Variants in TMC1 observed in about 807,000 individuals in gnomAD.
TMC1 encodes transmembrane channel like 1, also known as transmembrane channel-like protein 1.
Under a neutral mutation model 105.8 loss-of-function variants are expected in TMC1, and 84 were observed. The ratio of observed to expected loss-of-function variants is 0.79; its 90% confidence interval spans 0.67 to 0.95. The LOEUF is 0.95. Ranked by LOEUF, TMC1 falls within the 40% of genes least tolerant of loss-of-function variation. The pLI is 0.00. For missense variants in TMC1, 817 were observed against 914.1 expected (o/e 0.89, Z 1.37); for synonymous variants, 315 against 311.5 (o/e 1.01, Z -0.12).
chr9:72,703,228 G>A (rs1826675783), intron 8 of TMC1, among the ~76,000 whole-genome samples: 1 of 151,978 alleles, frequency 6.6e-6, no homozygotes, highest in African/African-American at 2.4e-5. Flanking sequence ...CTGGGAGCAA[G>A]GGATCCTTCT....
At chr9:72,814,511 C>T (rs1167536121) in intron 18 of TMC1, among the ~76,000 whole-genome samples, 1 of 152,168 alleles carries the variant, frequency 6.6e-6, no homozygotes, top group Non-Finnish European at 1.5e-5. Flanking sequence ...TGTAGCTGTC[C>T]TTCAACAGTA....
intron 12 of TMC1, among the ~76,000 whole-genome samples, chr9:72,762,844 G>C (rs1456599187): frequency 6.6e-6 from 1 of 152,158 alleles, no homozygotes; most frequent in Non-Finnish European, 1.5e-5. Context: ...TCAATGTCCA[G>C]TGTGGGTCTC....
In TMC1 at chr9:72,624,889, T is replaced by C. The variant is rs118089373; in HGVS notation, c.-195-3032T>C. On this transcript the variant is annotated intron_variant, in intron 3 of 23. Coordinates refer to ENST00000297784, the MANE Select transcript of TMC1 (RefSeq NM_138691.3). ...AGTGAGGATGACCTGGATTTTCCAT[T>C]GAGGAAGTGGCCAAGTCCTGCGGAC... is the stretch of plus-strand genomic sequence containing the variant. Among the ~76,000 whole-genome samples, 84 of 152,294 alleles carry C rather than the reference T, an allele frequency of 5.5e-4. No individual in the cohort carries two copies. The East Asian group carries it at 0.014, about 26-fold the overall frequency.
intron 4 of TMC1, among the ~76,000 whole-genome samples, chr9:72,638,833 A>G (rs1353354909): frequency 5.9e-5 from 9 of 152,188 alleles, no homozygotes; most frequent in Admixed American, 5.9e-4. Flanking sequence ...TTATTTATAG[A>G]AAACATGCTG....
rs71357591 is a variant in TMC1 at position 72,584,784 on chromosome 9, C to CTTTTTTTTTTTTTTTTTTTTT, written c.-306+6779_-306+6780insTTTTTTTTTTTTTTTTTTTTT. On this transcript the variant is annotated intron_variant, in intron 2 of 23. Coordinates refer to ENST00000297784, the MANE Select transcript of TMC1 (RefSeq NM_138691.3). ...GTAGTTCTCCTTTTTCTTTTCTTTT[C>CTTTTTTTTTTTTTTTTTTTTT]TTTTTTTTTTTTTTTTTTGAGACAG... Among the ~76,000 whole-genome samples the CTTTTTTTTTTTTTTTTTTTTT allele has an allele frequency of 2.7e-5, 3 of 113,010 alleles. 1 individual carries two copies. Among genetic ancestry groups the CTTTTTTTTTTTTTTTTTTTTT allele is most frequent in the East Asian group, 5.4e-4 (2 of 3,714 alleles). The allele number at this position is 113,010 out of a possible 152,430, so 74.1% of individuals were successfully genotyped here.
In TMC1 at chr9:72,591,501, C is replaced by T. The variant is rs538797483; in HGVS notation, c.-306+13478C>T. 2.0e-5 allele frequency among the ~76,000 whole-genome samples: 3 copies of T among 152,298 alleles called. No individual in the cohort carries two copies. The East Asian group carries it at 5.8e-4, about 29-fold the overall frequency. On this transcript the variant is annotated intron_variant, in intron 2 of 23. Transcript: ENST00000297784. ...CGGGTAAGAAGTGATGGAATAGGTT[C>T]ATGGCAGTGGGTTTCTGAAGCAGTG...
At chr9:72,784,219 AAAAAC>A (rs1212924729) in intron 13 of TMC1, among the ~76,000 whole-genome samples, 3 of 152,204 alleles carry the variant, frequency 2.0e-5, no homozygotes, top group Non-Finnish European at 2.9e-5. Context: ...ACTAACCAGC[AAAAAC>A]AAAACAAAAC....
chr9:72,712,090 G>A (rs534304676), intron 8 of TMC1, among the ~76,000 whole-genome samples: 12 of 152,134 alleles, frequency 7.9e-5, no homozygotes, highest in African/African-American at 2.6e-4. Flanking sequence ...GATGTATGGC[G>A]TTATTTCTGA....
intron 1 of TMC1, among the ~76,000 whole-genome samples, chr9:72,535,220 T>C (rs1488651585): frequency 6.6e-6 from 1 of 152,232 alleles, no homozygotes; most frequent in Non-Finnish European, 1.5e-5. Context: ...TTCAGCATTT[T>C]GTTTAGCATG....
intron 17 of TMC1, 126 bp downstream of exon 17, chr9:72,792,478 G>A: frequency 8.9e-7 from 1 of 1,124,662 alleles, no homozygotes; most frequent in Non-Finnish European, 1.3e-6. Context: ...GTTGAATGTT[G>A]ACTGTGTGCT....
chr9:72,780,860 A>G (rs963959553), intron 13 of TMC1, among the ~76,000 whole-genome samples: 15 of 152,188 alleles, frequency 9.9e-5, no homozygotes, highest in African/African-American at 3.6e-4. Flanking sequence ...TAACTACACA[A>G]TAATAGCAAG....
intron 12 of TMC1, among the ~76,000 whole-genome samples, chr9:72,757,592 C>T (rs368590755): frequency 6.6e-6 from 1 of 152,154 alleles, no homozygotes. Context: ...CATTTAGTTT[C>T]ATATACACCT....
chr9:72,576,619 TTTTTTTTTTTTTTC>T (rs1431906617), intron 1 of TMC1, among the ~76,000 whole-genome samples: 3 of 38,726 alleles, frequency 7.7e-5, no homozygotes, highest in African/African-American at 2.4e-4. Context: ...TCCCAATTTC[TTTTTTTTTTTTTTC>T]TTTTTTTTTT....
At chr9:72,665,591 C>T (rs1319682670) in intron 5 of TMC1, among the ~76,000 whole-genome samples, 1 of 152,188 alleles carries the variant, frequency 6.6e-6, no homozygotes, top group Admixed American at 6.5e-5. Context: ...GAAGCCCTGG[C>T]AAGCTGAAAT....
At chr9:72,687,215 C>T (rs531158751) in intron 5 of TMC1, among the ~76,000 whole-genome samples, 2 of 152,302 alleles carry the variant, frequency 1.3e-5, no homozygotes, top group African/African-American at 4.8e-5. Context: ...TTTGGTTGTG[C>T]ATATCGCAAA....
At position 72,674,796 on chromosome 9, in the gene TMC1, A is replaced by C. The variant is rs531166562; in HGVS notation, c.17-13913A>C. ...AGAGTGGCAGAATTCAACACCACAG[A>C]ATGAAGAGGAAAATTGATGGTCTTT... On this transcript the variant is annotated intron_variant, in intron 5 of 23. Transcript: ENST00000297784. Among the ~76,000 whole-genome samples the C allele has an allele frequency of 6.0e-4, 92 of 152,314 alleles. 1 individual carries two copies. The highest frequency in any genetic ancestry group is 1.9e-3 in the African/African-American group (80 of 41,574).
intron 2 of TMC1, among the ~76,000 whole-genome samples, chr9:72,610,209 A>G (rs7850936): frequency 0.042 from 6,423 of 152,308 alleles, 204 homozygotes; most frequent in Middle Eastern, 0.095. Context: ...CTTGATTTTT[A>G]AAATATTGGA....
intron 17 of TMC1, among the ~76,000 whole-genome samples, chr9:72,797,110 A>G (rs1341540498): frequency 1.3e-5 from 2 of 152,182 alleles, no homozygotes; most frequent in Non-Finnish European, 2.9e-5. Context: ...ATGAACTCAC[A>G]TCTACAATTG....
At chr9:72,553,424 AC>A (rs1481942442) in intron 1 of TMC1, among the ~76,000 whole-genome samples, 1 of 152,142 alleles carries the variant, frequency 6.6e-6, no homozygotes, top group African/African-American at 2.4e-5. Context: ...TATCTCCTTA[AC>A]TTTTACTCTA....
Sources: allele counts gnomAD v4.1 joint callset (sites outside exome capture counted in the v4.1 genomes callset), GRCh38; gene constraint gnomAD v4.1.1; transcripts MANE v1.5; gene names NCBI Gene and HGNC (gene_info 2026-07-23, HGNC 2026-07-21).